Variants in HIVEP3 observed in about 807,000 individuals in gnomAD.
The protein encoded by HIVEP3 is transcription factor HIVEP3.
A neutral mutation model predicts 152.8 loss-of-function variants in HIVEP3; 49 were observed. The ratio of observed to expected loss-of-function variants is 0.32; its 90% CI spans 0.26 to 0.41. HIVEP3 has a LOEUF of 0.41. HIVEP3 is among the 10% of genes least tolerant of loss of function. The pLI is 1.00. For missense variants in HIVEP3, 2,790 were observed against 3,103.3 expected (o/e 0.90, Z 2.40); for synonymous variants, 1,269 against 1,289.0 (o/e 0.98, Z 0.33).
At chr1:41,621,765 G>A (rs999272254) in intron 3 of HIVEP3, among the ~76,000 whole-genome samples, 7 of 152,148 alleles carry the variant, frequency 4.6e-5, no homozygotes, top group Non-Finnish European at 2.9e-5. Context: ...TGATCCTCCT[G>A]CCTCAGCCTC....
chr1:41,734,779 T>A (rs529149106), intron 1 of HIVEP3, among the ~76,000 whole-genome samples: 1 of 152,066 alleles, frequency 6.6e-6, no homozygotes, highest in Admixed American at 6.6e-5. Flanking sequence ...TGGGGCAGAA[T>A]AGAGGAAAAT....
intron 3 of HIVEP3, among the ~76,000 whole-genome samples, chr1:41,598,438 A>G (rs1644698647): frequency 6.6e-6 from 1 of 152,264 alleles, no homozygotes; most frequent in Admixed American, 6.5e-5. Context: ...AAGATGAACC[A>G]CAGAAGAAAA....
intron 1 of HIVEP3, among the ~76,000 whole-genome samples, chr1:41,794,299 A>G (rs1355061468): frequency 3.9e-5 from 6 of 152,140 alleles, no homozygotes; most frequent in African/African-American, 7.2e-5. Context: ...AGTAGGGGGG[A>G]AAATGCCCCC....
At chr1:41,613,636 ATCTT>A (rs1351894577) in intron 3 of HIVEP3, among the ~76,000 whole-genome samples, 1 of 152,260 alleles carries the variant, frequency 6.6e-6, no homozygotes, top group Non-Finnish European at 1.5e-5. Context: ...AACTTTGAGT[ATCTT>A]TCTCATAAAC....
chr1:41,952,227 C>A (rs1417791469), intron 1 of HIVEP3, among the ~76,000 whole-genome samples: 1 of 152,084 alleles, frequency 6.6e-6, no homozygotes, highest in Non-Finnish European at 1.5e-5. Context: ...AAATCAAAAT[C>A]TTCATCATCT....
At chr1:41,565,766 T>G (rs1644153203) in intron 5 of HIVEP3, among the ~76,000 whole-genome samples, 1 of 152,048 alleles carries the variant, frequency 6.6e-6, no homozygotes, top group South Asian at 2.1e-4. Flanking sequence ...TACCAGGGGC[T>G]GCCCGAGACC....
At chr1:41,762,833 C>T (rs1647782937) in intron 1 of HIVEP3, among the ~76,000 whole-genome samples, 1 of 152,222 alleles carries the variant, frequency 6.6e-6, no homozygotes, top group African/African-American at 2.4e-5. Context: ...CAAAGCGGCA[C>T]TGAAAATATC....
At chr1:41,889,221 C>T (rs888924505) in intron 1 of HIVEP3, among the ~76,000 whole-genome samples, 2 of 151,868 alleles carry the variant, frequency 1.3e-5, no homozygotes, top group Non-Finnish European at 2.9e-5. Flanking sequence ...CACCACACAC[C>T]CCACACCTCA....
chr1:41,644,619 A>C (rs1291632427), intron 2 of HIVEP3, among the ~76,000 whole-genome samples: 1 of 151,826 alleles, frequency 6.6e-6, no homozygotes, highest in African/African-American at 2.4e-5. Context: ...TGATTACTGA[A>C]GGAATGTCTC....
chr1:41,612,527 G>A (rs78942391), intron 3 of HIVEP3, among the ~76,000 whole-genome samples: 10,911 of 152,200 alleles, frequency 0.072, 1,033 homozygotes, highest in East Asian at 0.46. Flanking sequence ...TTATCACTTC[G>A]TTTTGCAGAT....
intron 5 of HIVEP3, among the ~76,000 whole-genome samples, chr1:41,532,144 G>T (rs1643278741): frequency 1.7e-5 from 2 of 116,292 alleles, no homozygotes; most frequent in Admixed American, 8.3e-5. Flanking sequence ...AGGCAGGAGA[G>T]ATGGAAGACA....
At chr1:41,732,577 C>T (rs1003767729) in intron 1 of HIVEP3, among the ~76,000 whole-genome samples, 1 of 152,008 alleles carries the variant, frequency 6.6e-6, no homozygotes, top group Non-Finnish European at 1.5e-5. Context: ...AAAGGCCCTG[C>T]CTGAGTTGAG....
At chr1:41,592,935 G>A (rs1644608542) in intron 3 of HIVEP3, among the ~76,000 whole-genome samples, 1 of 152,202 alleles carries the variant, frequency 6.6e-6, no homozygotes, top group Admixed American at 6.5e-5. Context: ...GCCCTGGCCA[G>A]GTCCTGACCT....
At chr1:41,961,289 C>G (rs1385518088) in intron 1 of HIVEP3, among the ~76,000 whole-genome samples, 1 of 152,238 alleles carries the variant, frequency 6.6e-6, no homozygotes, top group Non-Finnish European at 1.5e-5. Context: ...CCAGACCACT[C>G]AGCTAAGCCC....
chr1:41,824,784 T>TATATAGAGAGAG (rs1553266584), intron 1 of HIVEP3, among the ~76,000 whole-genome samples: 24 of 11,370 alleles, frequency 2.1e-3, no homozygotes, highest in South Asian at 5.2e-3. Flanking sequence ...TATATATATA[T>TATATAGAGAGAG]AGAGAGAGAG....
chr1:41,699,334 G>A (rs550971872), intron 2 of HIVEP3, among the ~76,000 whole-genome samples: 3 of 152,212 alleles, frequency 2.0e-5, no homozygotes, highest in Non-Finnish European at 4.4e-5. Context: ...TTTGGCCCCA[G>A]AACCTACTCA....
At chr1:41,751,959 A>G (rs1647171619) in intron 1 of HIVEP3, among the ~76,000 whole-genome samples, 1 of 152,184 alleles carries the variant, frequency 6.6e-6, no homozygotes, top group African/African-American at 2.4e-5. Context: ...GTTCTCCAAC[A>G]TGACCCTGTC....
intron 1 of HIVEP3, among the ~76,000 whole-genome samples, chr1:41,715,574 CAGCCA>C (rs199608997): frequency 0.014 from 2,201 of 152,354 alleles, 25 homozygotes; most frequent in Non-Finnish European, 0.018. Flanking sequence ...AGTTTATTGA[CAGCCA>C]AGGATTAGAA....
intron 1 of HIVEP3, among the ~76,000 whole-genome samples, chr1:41,940,352 G>A (rs910812962): frequency 3.1e-4 from 47 of 152,316 alleles, no homozygotes; most frequent in African/African-American, 9.9e-4. Flanking sequence ...CCCACTAGGT[G>A]CCCAACACTG....
Sources: allele counts gnomAD v4.1 joint callset (sites outside exome capture counted in the v4.1 genomes callset), GRCh38; gene constraint gnomAD v4.1.1; transcripts MANE v1.5; gene names NCBI Gene and HGNC (gene_info 2026-07-23, HGNC 2026-07-21).